The following AGBL4 variants were observed in gnomAD, a reference collection of about 807,000 sequenced individuals.
The protein encoded by AGBL4 is AGBL carboxypeptidase 4.
Under a neutral mutation model 66.4 loss-of-function variants are expected in AGBL4, and 58 were observed. The ratio of observed to expected loss-of-function variants is 0.87; its 90% CI spans 0.71 to 1.09. The LOEUF (loss-of-function observed/expected upper bound fraction) is 1.09. Ranked by LOEUF, AGBL4 falls within the 50% of genes least tolerant of loss-of-function variation. The probability of loss-of-function intolerance (pLI) is 0.00; values close to 1 mark genes in which losing one functional copy is unlikely to be tolerated. For synonymous variants in AGBL4, 234 were observed against 222.9 expected (o/e 1.05, Z -0.44); for missense variants, 579 against 631.0 (o/e 0.92, Z 0.88).
At chr1:49,224,141 T>C (rs1283753115) in intron 4 of AGBL4, among the ~76,000 whole-genome samples, 1 of 152,220 alleles carries the variant, frequency 6.6e-6, no homozygotes, top group African/African-American at 2.4e-5. Context: ...CAAATCTGTA[T>C]CATTGACTCT....
chr1:49,400,039 C>T (rs1461992839), intron 3 of AGBL4, among the ~76,000 whole-genome samples: 1 of 151,934 alleles, frequency 6.6e-6, no homozygotes, highest in East Asian at 1.9e-4. Flanking sequence ...AAGCATAGGT[C>T]ACCATATATG....
intron 1 of AGBL4, among the ~76,000 whole-genome samples, chr1:49,978,361 T>C (rs1231290470): frequency 6.6e-6 from 1 of 152,040 alleles, no homozygotes; most frequent in Non-Finnish European, 1.5e-5. Flanking sequence ...AGAGAATCAC[T>C]TGGGCCCAGA....
intron 3 of AGBL4, among the ~76,000 whole-genome samples, chr1:49,299,051 A>C (rs1644696103): frequency 6.6e-6 from 1 of 152,122 alleles, no homozygotes; most frequent in Non-Finnish European, 1.5e-5. Context: ...CTTATTGTGT[A>C]ACACGCCATA....
intron 3 of AGBL4, among the ~76,000 whole-genome samples, chr1:49,371,298 C>T (rs972968096): frequency 2.0e-5 from 3 of 151,468 alleles, no homozygotes; most frequent in Middle Eastern, 6.9e-3. Flanking sequence ...CACACACACA[C>T]ATCCTTTTGG....
chr1:49,365,556 T>C (rs1253157928), intron 3 of AGBL4, among the ~76,000 whole-genome samples: 1 of 151,152 alleles, frequency 6.6e-6, no homozygotes, highest in African/African-American at 2.4e-5. Context: ...ATAATAATGA[T>C]AATATTATAA....
intron 6 of AGBL4, among the ~76,000 whole-genome samples, chr1:48,852,423 C>T (rs990011549): frequency 2.6e-5 from 4 of 152,092 alleles, no homozygotes; most frequent in South Asian, 2.1e-4. Context: ...TACCACCCTC[C>T]GTGACATGCC....
chr1:49,159,403 T>C (rs185823914), intron 4 of AGBL4, among the ~76,000 whole-genome samples: 6 of 152,356 alleles, frequency 3.9e-5, no homozygotes, highest in Admixed American at 3.9e-4. Context: ...CACTCTCTTC[T>C]GGCTTGTAGG....
intron 4 of AGBL4, among the ~76,000 whole-genome samples, chr1:49,176,440 G>A (rs1021223364): frequency 3.9e-5 from 6 of 152,040 alleles, no homozygotes; most frequent in South Asian, 2.1e-4. Context: ...CACACTCCAC[G>A]AAAATCAATG....
intron 3 of AGBL4, among the ~76,000 whole-genome samples, chr1:49,349,146 G>T (rs1645698451): frequency 6.6e-6 from 1 of 152,058 alleles, no homozygotes; most frequent in Non-Finnish European, 1.5e-5. Context: ...GAAAACTATT[G>T]TGAAACTGTT....
intron 1 of AGBL4, chr1:49,995,415 G>A (rs1572030119): frequency 5.0e-6 from 2 of 398,236 alleles, no homozygotes; most frequent in East Asian, 7.2e-5. Context: ...TGCAGAAGAG[G>A]CAGCCATAAT....
intron 4 of AGBL4, among the ~76,000 whole-genome samples, chr1:49,157,561 T>G (rs1020470244): frequency 6.6e-6 from 1 of 152,186 alleles, no homozygotes; most frequent in Non-Finnish European, 1.5e-5. Context: ...TGTGTCTTTA[T>G]AGTAGAATGA....
intron 3 of AGBL4, among the ~76,000 whole-genome samples, chr1:49,450,670 T>C (rs1284097892): frequency 1.3e-5 from 2 of 152,108 alleles, no homozygotes; most frequent in Non-Finnish European, 2.9e-5. Context: ...ATAGTCTAAT[T>C]TGGCTGCCAC....
At chr1:49,991,552 C>T (rs569796920) in intron 1 of AGBL4, among the ~76,000 whole-genome samples, 2 of 152,242 alleles carry the variant, frequency 1.3e-5, no homozygotes, top group Admixed American at 1.3e-4. Context: ...ATCAACCATA[C>T]ACACTTTCAT....
At chr1:49,168,339 T>G (rs1646670867) in intron 4 of AGBL4, among the ~76,000 whole-genome samples, 1 of 152,220 alleles carries the variant, frequency 6.6e-6, no homozygotes, top group African/African-American at 2.4e-5. Flanking sequence ...TGCTGTGATC[T>G]GGAGGATAGC....
intron 5 of AGBL4, among the ~76,000 whole-genome samples, chr1:48,877,193 G>A (rs1156412291): frequency 6.6e-6 from 1 of 152,178 alleles, no homozygotes; most frequent in East Asian, 1.9e-4. Context: ...AAGAACAAAT[G>A]CCCATAAAAA....
Position 49,563,323 on chromosome 1 carries a change from T to G in AGBL4, c.282+133990A>C, listed in dbSNP as rs570871849. Reference sequence around the variant, plus strand: ...ATTTCCTTCTCCTGCCTGATTGTCCTGGCCAGAACTTCCAACACTATGTTG... The same window carrying G: ...ATTTCCTTCTCCTGCCTGATTGTCCGGGCCAGAACTTCCAACACTATGTTG... On this transcript the variant is annotated intron_variant, in intron 3 of 13. Coordinates refer to ENST00000371839, the MANE Select transcript of AGBL4 (RefSeq NM_032785.4). Among the ~76,000 whole-genome samples the G allele has an allele frequency of 1.1e-3, 169 of 152,246 alleles. 1 individual carries two copies. Among genetic ancestry groups the G allele is most frequent in the Non-Finnish European group, 2.1e-3 (140 of 68,012 alleles).
chr1:49,920,023 A>G (rs1431863239), intron 1 of AGBL4, among the ~76,000 whole-genome samples: 1 of 152,112 alleles, frequency 6.6e-6, no homozygotes, highest in Non-Finnish European at 1.5e-5. Flanking sequence ...TGCTGGGAAA[A>G]CTGGCTAGCC....
At chr1:49,457,441 A>G (rs1442964765) in intron 3 of AGBL4, among the ~76,000 whole-genome samples, 1 of 151,570 alleles carries the variant, frequency 6.6e-6, no homozygotes, top group Non-Finnish European at 1.5e-5. Context: ...TTTGAATTCT[A>G]TGTATATTCT....
intron 1 of AGBL4, among the ~76,000 whole-genome samples, chr1:49,865,340 T>C (rs766705682): frequency 3.3e-5 from 5 of 152,076 alleles, no homozygotes; most frequent in Admixed American, 6.5e-5. Flanking sequence ...TATACAGGAA[T>C]ATTCCCTCTG....
Sources: allele counts gnomAD v4.1 joint callset (sites outside exome capture counted in the v4.1 genomes callset), GRCh38; gene constraint gnomAD v4.1.1; transcripts MANE v1.5; gene names NCBI Gene and HGNC (gene_info 2026-07-23, HGNC 2026-07-21).